FGF13: variants seen among roughly 807,000 people sequenced by gnomAD.
FGF13 encodes the protein fibroblast growth factor 13.
A neutral mutation model predicts 19.5 loss-of-function variants in FGF13; 2 were observed. The observed-to-expected ratio is 0.10, with a 90% CI of 0.04 to 0.32. The LOEUF is 0.32. FGF13 is among the 10% of genes least tolerant of loss of function. The pLI is 1.00. For missense variants in FGF13, 113 were observed against 192.7 expected, an observed-to-expected ratio of 0.59 and a Z score of 2.45; for synonymous variants, 72 against 76.9, an observed-to-expected ratio of 0.94 and a Z score of 0.33.
intron 1 of FGF13, among the ~76,000 whole-genome samples, chrX:139,028,252 A>AT (rs1274831690): frequency 8.9e-6 from 1 of 111,918 alleles, no homozygotes; most frequent in Non-Finnish European, 1.9e-5. Context: ...CTCCATCCAC[A>AT]TGGAAGTGCC....
chrX:138,770,917 C>T (rs1602818730), intron 3 of FGF13, among the ~76,000 whole-genome samples: 2 of 111,288 alleles, frequency 1.8e-5, no homozygotes, highest in East Asian at 5.7e-4. Context: ...GAAGTGCCTT[C>T]TGTGGGTGCA....
intron 1 of FGF13, among the ~76,000 whole-genome samples, chrX:138,874,314 CT>C (rs769393995): frequency 9.1e-6 from 1 of 110,287 alleles, no homozygotes; most frequent in African/African-American, 3.3e-5. Flanking sequence ...CGTAAATTAT[CT>C]CCCAGCCAAT....
chrX:138,656,839 T>C (rs774177805), intron 3 of FGF13, among the ~76,000 whole-genome samples: 2 of 111,364 alleles, frequency 1.8e-5, no homozygotes, highest in South Asian at 3.8e-4. Flanking sequence ...AGACACAATG[T>C]CCAAAAAACA....
chrX:139,167,101 C>T (rs1182467542), intron 1 of FGF13, among the ~76,000 whole-genome samples: 1 of 111,985 alleles, frequency 8.9e-6, no homozygotes, highest in Non-Finnish European at 1.9e-5. Flanking sequence ...ATATCACCTG[C>T]TCTGAGAAGC....
rs188950140 is a variant in FGF13, at chrX:138,650,259, T to A, written c.403-14604A>T. Among the ~76,000 whole-genome samples, 43 of 112,342 alleles carry A rather than the reference T, an allele frequency of 3.8e-4. No homozygotes were observed. The East Asian group carries it at 0.012, about 30-fold the overall frequency. Reference sequence around the variant, plus strand: ...GAGCATTTATTCCATTCCAAAAGGATTCATTTGGTAAATTCATGTTATAGT... The same window carrying A: ...GAGCATTTATTCCATTCCAAAAGGAATCATTTGGTAAATTCATGTTATAGT... On this transcript the variant is annotated intron_variant, in intron 3 of 4. Transcript: ENST00000315930.
chrX:139,134,678 A>G (rs939461551), intron 1 of FGF13, among the ~76,000 whole-genome samples: 10 of 112,074 alleles, frequency 8.9e-5, no homozygotes, highest in Non-Finnish European at 9.4e-5. Context: ...TGTTTGATGA[A>G]TGATTAAACA....
At chrX:138,980,438 TG>T (rs1444317354) in intron 1 of FGF13, among the ~76,000 whole-genome samples, 5 of 111,946 alleles carry the variant, frequency 4.5e-5, no homozygotes, top group Admixed American at 1.9e-4. Context: ...TCATGAGTGA[TG>T]ATCAATAATA....
chrX:139,030,314 G>A (rs2092221718), intron 1 of FGF13, among the ~76,000 whole-genome samples: 1 of 111,295 alleles, frequency 9.0e-6, no homozygotes, highest in African/African-American at 3.3e-5. Context: ...AAATGGCAAC[G>A]AAAGCTGGCC....
rs1283160182 is a variant in FGF13, at chrX:139,178,234, A to G, written c.-113+25182T>C. 8.9e-5 allele frequency among the ~76,000 whole-genome samples: 10 copies of G among 112,615 alleles called. No homozygotes were observed. In the East Asian group the frequency reaches 2.5e-3, roughly 28 times the overall value. On this transcript the variant is annotated intron_variant, in intron 1 of 2. Transcript: ENST00000421460. The stretch of plus-strand genomic sequence containing the variant: ...TCAATGGAAATTACTTCTAGAAGCT[A>G]TACTTGGCTATGCCAAAAAACCTTG...
At chrX:139,028,685 GAC>G (rs2092213356) in intron 1 of FGF13, among the ~76,000 whole-genome samples, 1 of 46,073 alleles carries the variant, frequency 2.2e-5, no homozygotes, top group Non-Finnish European at 4.5e-5. Context: ...GTGTGTGAAA[GAC>G]AGTGTGTGTG....
At chrX:139,062,328 A>C (rs1422705391) in intron 1 of FGF13, among the ~76,000 whole-genome samples, 1 of 111,476 alleles carries the variant, frequency 9.0e-6, no homozygotes, top group African/African-American at 3.3e-5. Flanking sequence ...TCCCTTCCTC[A>C]TTGTGTGTTC....
At chrX:138,812,740 A>C (rs2090935431) in intron 3 of FGF13, among the ~76,000 whole-genome samples, 1 of 111,868 alleles carries the variant, frequency 8.9e-6, no homozygotes, top group African/African-American at 3.2e-5. Context: ...TTCTAAAAAA[A>C]ATGGGATACA....
intron 1 of FGF13, among the ~76,000 whole-genome samples, chrX:139,000,483 CAA>C (rs2092067693): frequency 1.8e-5 from 2 of 112,144 alleles, no homozygotes; most frequent in South Asian, 7.4e-4. Flanking sequence ...GCAACTTCAG[CAA>C]AGTCTCAGGA....
At chrX:139,168,610 A>G (rs754622242) in intron 1 of FGF13, among the ~76,000 whole-genome samples, 1 of 112,078 alleles carries the variant, frequency 8.9e-6, no homozygotes, top group South Asian at 3.7e-4. Context: ...TAAAACATTC[A>G]TGAAAGTTAT....
Position 139,162,732 on chromosome X carries a change from G to T in FGF13, c.-113+40684C>A, listed in dbSNP as rs140715207. Among the ~76,000 whole-genome samples the T allele has an allele frequency of 4.0e-3, 443 of 112,077 alleles. 3 individuals carry two copies. Among genetic ancestry groups the T allele is most frequent in the African/African-American group, 0.014 (423 of 30,836 alleles). ...CAACTCCATCAAAAAGTGGGCAAAA[G>T]ATATGAACAGACACTTCTCAAAAGA... On this transcript the variant is annotated intron_variant, in intron 1 of 2. Coordinates refer to the FGF13 transcript ENST00000421460.
At chrX:138,808,966 CA>C (rs1049140761) in intron 3 of FGF13, among the ~76,000 whole-genome samples, 1 of 111,277 alleles carries the variant, frequency 9.0e-6, no homozygotes, top group Non-Finnish European at 1.9e-5. Context: ...GCCTACCAAA[CA>C]AAAAAAGTCC....
At chrX:138,641,503 T>C (rs2089251006) in intron 3 of FGF13, among the ~76,000 whole-genome samples, 1 of 112,237 alleles carries the variant, frequency 8.9e-6, no homozygotes, top group African/African-American at 3.2e-5. Context: ...GTACATCAAT[T>C]ATTCCCCAGC....
intron 1 of FGF13, among the ~76,000 whole-genome samples, chrX:138,878,566 G>C (rs1479294624): frequency 9.3e-6 from 1 of 107,555 alleles, no homozygotes; most frequent in Non-Finnish European, 1.9e-5. Flanking sequence ...GGACATTTGG[G>C]TTGGTTCCAA....
At chrX:138,930,421 T>A (rs1015267414) in intron 1 of FGF13, among the ~76,000 whole-genome samples, 2 of 112,266 alleles carry the variant, frequency 1.8e-5, no homozygotes, top group Non-Finnish European at 3.8e-5. Context: ...GCAAAATGCA[T>A]ACAGAATGGA....
Sources: gnomAD v4.1 joint callset for allele counts (sites outside exome capture counted in the v4.1 genomes callset) on GRCh38, gnomAD v4.1.1 for gene constraint, MANE v1.5 for transcripts, NCBI Gene and HGNC (gene_info 2026-07-23, HGNC 2026-07-21) for gene names.